SUPT20H: variants seen among roughly 807,000 people sequenced by gnomAD.
SUPT20H encodes the protein transcription factor SPT20 homolog.
A neutral mutation model predicts 122.8 loss-of-function variants in SUPT20H; 82 were observed. The observed-to-expected ratio is 0.67, with a 90% confidence interval of 0.56 to 0.80. SUPT20H has a LOEUF of 0.80. Among genes scored for constraint, SUPT20H ranks in the 30% least tolerant of loss-of-function variants. The pLI is 0.00. For missense variants in SUPT20H, 831 were observed against 921.6 expected (o/e 0.90, Z 1.27); for synonymous variants, 291 against 313.0 (o/e 0.93, Z 0.74).
chr13:37,037,028 C>A (rs1431529710), intron 9 of SUPT20H, among the ~76,000 whole-genome samples: 1 of 151,756 alleles, frequency 6.6e-6, no homozygotes. Context: ...AATCCTGTCT[C>A]TACCAAAAAT....
chr13:37,017,881 T>C (rs748775269), intron 22 of SUPT20H, among the ~76,000 whole-genome samples: 1 of 152,174 alleles, frequency 6.6e-6, no homozygotes, highest in Non-Finnish European at 1.5e-5. Context: ...AGACCACTAC[T>C]TTCTCTTTCA....
At position 37,009,644 on chromosome 13, in the gene SUPT20H, A is replaced by G. The variant is rs752891385; in HGVS notation, c.*28T>C. Reference sequence around the variant, plus strand: ...TTTGATTCAGTGCTCTTGTGTTTTTAAAAAAGGAACAAAAAGTAATGCAAG... The same window carrying G: ...TTTGATTCAGTGCTCTTGTGTTTTTGAAAAAGGAACAAAAAGTAATGCAAG... On this transcript the variant is annotated 3_prime_UTR_variant, in exon 26 of 26. Coordinates refer to ENST00000350612, the MANE Select transcript of SUPT20H (RefSeq NM_001014286.3). 8.1e-6 allele frequency: 13 copies of G among 1,611,754 alleles called. No homozygotes were observed. The Admixed American group carries it at 2.2e-4, about 27-fold the overall frequency.
At position 37,012,298 on chromosome 13, in the gene SUPT20H, CTGAAT is replaced by C; in HGVS notation, c.1993-6_1993-2del. The C allele has an allele frequency of 6.2e-7, 1 of 1,603,662 alleles. No individual in the cohort carries two copies. Reference sequence around the variant, plus strand: ...GACTGGTTGAACCTTGCTCAGAACCCTGAATAAAAAAATAATAAATGACTTGTACA... The same window carrying C: ...GACTGGTTGAACCTTGCTCAGAACCCAAAAAAATAATAAATGACTTGTACA... On this transcript the variant is annotated splice_acceptor_variant and splice_polypyrimidine_tract_variant and intron_variant, in intron 23 of 25. Coordinates refer to ENST00000350612, the MANE Select transcript of SUPT20H (RefSeq NM_001014286.3). LOFTEE classifies it high-confidence loss of function.
chr13:37,013,724 A>G (rs919433588), intron 23 of SUPT20H: 1 of 152,096 alleles, frequency 6.6e-6, no homozygotes, highest in Non-Finnish European at 1.5e-5. Flanking sequence ...ATTTCAGTAT[A>G]TAATTGCAAG....
At chr13:37,036,897 C>T (rs1417747741) in intron 9 of SUPT20H, among the ~76,000 whole-genome samples, 1 of 151,946 alleles carries the variant, frequency 6.6e-6, no homozygotes, top group Non-Finnish European at 1.5e-5. Context: ...ACATAACATA[C>T]AAAATACATG....
chr13:37,045,047 T>C (rs1385960066), intron 6 of SUPT20H, among the ~76,000 whole-genome samples, 200 bp downstream of exon 6: 2 of 152,136 alleles, frequency 1.3e-5, no homozygotes, highest in Admixed American at 6.6e-5. Context: ...TCAGGAAAGA[T>C]AATTGTAAGA....
intron 14 of SUPT20H, 129 bp from the exon 15 acceptor site, chr13:37,026,945 A>T: frequency 1.8e-6 from 1 of 563,860 alleles, no homozygotes; most frequent in East Asian, 3.7e-5. Flanking sequence ...AGCTACTCTG[A>T]TGCAAAGGTA....
chr13:37,040,793 T>A, intron 7 of SUPT20H, 101 bp from the exon 8 acceptor site: 1 of 860,444 alleles, frequency 1.2e-6, no homozygotes, highest in South Asian at 1.5e-5. Context: ...ATGCAACATT[T>A]CTGGCCACTC....
chr13:37,050,619 C>T (rs191611176), intron 2 of SUPT20H, among the ~76,000 whole-genome samples: 1 of 152,298 alleles, frequency 6.6e-6, no homozygotes, highest in African/African-American at 2.4e-5. Flanking sequence ...GTAAATATTT[C>T]ATCTTCTGAA....
rs748172572 is a variant in SUPT20H at position 37,024,387 on chromosome 13, C to T, written c.1385G>A (p.Arg462Gln). Reference sequence around the variant, plus strand: ...TGAGGGAAGTTTGATTGGTGGGGGTCGATGTTTTACACCCTTCCCCAATAC... The same window carrying T: ...TGAGGGAAGTTTGATTGGTGGGGGTTGATGTTTTACACCCTTCCCCAATAC... ...SSVLGKGVKH[R>Q]PPPIKLPSSS... The change falls in exon 18 of 26, where the codon CGA becomes CAA. Residue 462 changes from arginine (R) to glutamine (Q), a missense_variant. Transcript: ENST00000350612. 9 of 1,591,852 alleles carry T rather than the reference C, an allele frequency of 5.7e-6. No individual in the cohort carries two copies. Among genetic ancestry groups the T allele is most frequent in the African/African-American group, 2.7e-5 (2 of 73,498 alleles).
intron 22 of SUPT20H, among the ~76,000 whole-genome samples, chr13:37,017,825 T>C (rs569924783): frequency 8.5e-5 from 13 of 152,294 alleles, no homozygotes; most frequent in African/African-American, 3.1e-4. Flanking sequence ...GTGAGGAATT[T>C]CAAAGCTGAA....
chr13:37,053,344 TA>T (rs113333482), intron 1 of SUPT20H, among the ~76,000 whole-genome samples: 2 of 151,988 alleles, frequency 1.3e-5, no homozygotes, highest in Non-Finnish European at 2.9e-5. Flanking sequence ...TATGCAGCCA[TA>T]AAAAAGAATG....
At chr13:37,038,470 T>C (rs7997310) in intron 9 of SUPT20H, 126,979 of 152,122 alleles carry the variant, frequency 0.83, 54,089 homozygotes, top group East Asian at 1. Context: ...TTCTGTTTTC[T>C]AATATTCTTT....
chr13:37,051,400 T>C, intron 2 of SUPT20H, 88 bp downstream of exon 2: 5 of 1,390,196 alleles, frequency 3.6e-6, no homozygotes, highest in Non-Finnish European at 5.1e-6. Context: ...CAAGAGTATT[T>C]CTATATCTAC....
At chr13:37,028,326 CA>C (rs2062682162) in intron 13 of SUPT20H, 21 bp from the exon 14 acceptor site, 1 of 1,593,346 alleles carries the variant, frequency 6.3e-7, no homozygotes, top group African/African-American at 1.4e-5. Flanking sequence ...CATAGCACCT[CA>C]AATAAATACC....
chr13:37,039,591 C>T (rs575627710), intron 9 of SUPT20H: 1 of 152,262 alleles, frequency 6.6e-6, no homozygotes, highest in South Asian at 2.1e-4. Context: ...ACCACAATGC[C>T]TCTACTCATT....
At position 37,051,577 on chromosome 13, in the gene SUPT20H, T is replaced by C. The variant is rs1594544939; in HGVS notation, c.-87A>G. On this transcript the variant is annotated 5_prime_UTR_variant, in exon 2 of 26. Coordinates refer to ENST00000350612, the MANE Select transcript of SUPT20H (RefSeq NM_001014286.3). The stretch of plus-strand genomic sequence containing the variant: ...AACACCATGCCTTTAACATCAATCT[T>C]ACAGTACTGAAAAGCAAAAACAATA... The C allele has an allele frequency of 4.7e-6, 6 of 1,283,016 alleles. No homozygotes were observed. Among genetic ancestry groups the C allele is most frequent in the African/African-American group, 2.9e-5 (2 of 68,072 alleles). 79.5% of individuals were successfully genotyped at this position (1,283,016 alleles called of 1,614,324 possible).
intron 2 of SUPT20H, 60 bp from the exon 3 acceptor site, chr13:37,048,659 T>C (rs1246993422): frequency 2.8e-6 from 4 of 1,434,982 alleles, no homozygotes; most frequent in East Asian, 4.9e-5. Flanking sequence ...AAATTTAATA[T>C]ACATTTAACA....
chr13:37,041,969 G>A, intron 7 of SUPT20H, among the ~76,000 whole-genome samples: 1 of 152,152 alleles, frequency 6.6e-6, no homozygotes, highest in East Asian at 1.9e-4. Context: ...GACACTTCAG[G>A]GACAGATCAT....
Sources: gnomAD v4.1 joint callset for allele counts (sites outside exome capture counted in the v4.1 genomes callset) on GRCh38, gnomAD v4.1.1 for gene constraint, MANE v1.5 for transcripts, NCBI Gene and HGNC (gene_info 2026-07-23, HGNC 2026-07-21) for gene names.